MAPK14: variants seen among roughly 807,000 people sequenced by gnomAD.
MAPK14 encodes the protein CSAID-binding protein.
A neutral mutation model predicts 49.6 loss-of-function variants in MAPK14; 16 were observed. The observed-to-expected ratio is 0.32, with a 90% CI of 0.22 to 0.49. The LOEUF is 0.49. Among genes scored for constraint, MAPK14 ranks in the 20% least tolerant of loss-of-function variants. MAPK14 has a pLI of 0.99. For missense variants in MAPK14, 200 were observed against 441.2 expected, an observed-to-expected ratio of 0.45 and a Z score of 4.90; for synonymous variants, 142 against 158.0, an observed-to-expected ratio of 0.90 and a Z score of 0.76.
intron 2 of MAPK14, among the ~76,000 whole-genome samples, chr6:36,055,957 C>T (rs949915515): frequency 6.6e-6 from 1 of 151,998 alleles, no homozygotes; most frequent in Non-Finnish European, 1.5e-5. Context: ...TTTGATTTAG[C>T]ATGGGTAGTT....
chr6:36,094,146 T>G (rs1203100742), intron 8 of MAPK14, among the ~76,000 whole-genome samples: 1 of 152,254 alleles, frequency 6.6e-6, no homozygotes, highest in Non-Finnish European at 1.5e-5. Context: ...AAGCCAGTAT[T>G]AAAATCTTAA....
At chr6:36,040,181 T>C (rs979934125) in intron 1 of MAPK14, among the ~76,000 whole-genome samples, 1 of 152,106 alleles carries the variant, frequency 6.6e-6, no homozygotes, top group Non-Finnish European at 1.5e-5. Flanking sequence ...GGTGGGATAA[T>C]GTTTTGTTGT....
In MAPK14 at chr6:36,102,660, C is replaced by A. The variant is rs199841727; in HGVS notation, c.841+11C>A. 6.2e-7 allele frequency: 1 copy of A among 1,612,592 alleles called. No homozygotes were observed. The highest frequency in any genetic ancestry group is 8.5e-7 in the Non-Finnish European group (1 of 1,178,756). On this transcript the variant is annotated intron_variant, in intron 10 of 11. Transcript: ENST00000229794. Reference sequence around the variant, plus strand: ...GTGCCAATCCCCTGGGTAAGTTGACCATATATCCTCACCTCATGGATATTG... The same window carrying A: ...GTGCCAATCCCCTGGGTAAGTTGACAATATATCCTCACCTCATGGATATTG...
At chr6:36,092,460 A>G (rs1186777785) in intron 8 of MAPK14, 1 of 649,410 alleles carries the variant, frequency 1.5e-6, no homozygotes, top group African/African-American at 1.8e-5. Context: ...CACAGGGATG[A>G]CCGCTACATC....
intron 3 of MAPK14, among the ~76,000 whole-genome samples, chr6:36,067,368 A>G (rs985027220): frequency 6.6e-6 from 1 of 152,116 alleles, no homozygotes; most frequent in South Asian, 2.1e-4. Context: ...ATATTCATAT[A>G]TGCCTTCCTT....
Position 36,109,674 on chromosome 6 carries a change from T to G in MAPK14, c.*1227T>G, listed in dbSNP as rs1765907244. On this transcript the variant is annotated 3_prime_UTR_variant, in exon 12 of 12. Coordinates refer to ENST00000229794, the MANE Select transcript of MAPK14 (RefSeq NM_139012.3). ...TCAACCAACTATTTTTGAGGAATTA[T>G]CATGGGAAAAGACCAGGGCTTTTCC... 6.6e-6 allele frequency: 1 copy of G among 152,624 alleles called. No homozygotes were observed. Among genetic ancestry groups the G allele is most frequent in the South Asian group, 2.1e-4 (1 of 4,826 alleles). 9.5% of individuals were successfully genotyped at this position (152,624 alleles called of 1,614,324 possible).
At chr6:36,104,451 G>T (rs927671124) in intron 10 of MAPK14, among the ~76,000 whole-genome samples, 13 of 151,814 alleles carry the variant, frequency 8.6e-5, no homozygotes, top group African/African-American at 3.1e-4. Flanking sequence ...GCAGTGGTGC[G>T]ATCTCGGCTC....
At chr6:36,029,350 G>A (rs571681298) in intron 1 of MAPK14, among the ~76,000 whole-genome samples, 1 of 152,270 alleles carries the variant, frequency 6.6e-6, no homozygotes, top group Admixed American at 6.5e-5. Flanking sequence ...CACCGTGAGT[G>A]TGTTTTAAAT....
intron 1 of MAPK14, among the ~76,000 whole-genome samples, chr6:36,044,625 A>G (rs1763100689): frequency 6.6e-6 from 1 of 150,914 alleles, no homozygotes; most frequent in Admixed American, 6.6e-5. Context: ...CTGTAACCCA[A>G]ACACTTTGAG....
chr6:36,084,068 G>T (rs1764876692), intron 8 of MAPK14, among the ~76,000 whole-genome samples: 1 of 152,236 alleles, frequency 6.6e-6, no homozygotes, highest in Admixed American at 6.5e-5. Context: ...CAGGCAAAGA[G>T]TCTGGAGTGG....
chr6:36,067,036 AT>A (rs535762480), intron 3 of MAPK14, among the ~76,000 whole-genome samples: 25 of 150,218 alleles, frequency 1.7e-4, no homozygotes, highest in African/African-American at 4.9e-4. Context: ...TATGTTTACA[AT>A]TTTTTTTTTA....
At chr6:36,051,430 A>G (rs1763392262) in intron 1 of MAPK14, among the ~76,000 whole-genome samples, 1 of 152,148 alleles carries the variant, frequency 6.6e-6, no homozygotes, top group African/African-American at 2.4e-5. Flanking sequence ...AATAATTAAA[A>G]TACACATCGC....
At chr6:36,039,461 A>G (rs948492172) in intron 1 of MAPK14, among the ~76,000 whole-genome samples, 1 of 148,742 alleles carries the variant, frequency 6.7e-6, no homozygotes, top group Non-Finnish European at 1.5e-5. Context: ...TGCCTGTGAT[A>G]TGAAGGAAGG....
rs202121265 is a variant in MAPK14 at position 36,096,079 on chromosome 6, T to G, written c.762+13T>G. The G allele has an allele frequency of 1.9e-6, 3 of 1,596,828 alleles. No individual in the cohort carries two copies. The highest frequency in any genetic ancestry group is 2.6e-6 in the Non-Finnish European group (3 of 1,164,738). On this transcript the variant is annotated intron_variant, in intron 9 of 11. Coordinates refer to ENST00000229794, the MANE Select transcript of MAPK14 (RefSeq NM_139012.3). ...CTCCTCAGAGTCTGTGAGTTGATGC[T>G]TTGTAATTATCTGCCCTGTTGGGAG... is the stretch of plus-strand genomic sequence containing the variant.
At chr6:36,057,513 C>T (rs1002217893) in intron 2 of MAPK14, among the ~76,000 whole-genome samples, 3 of 152,062 alleles carry the variant, frequency 2.0e-5, no homozygotes, top group African/African-American at 7.2e-5. Flanking sequence ...TGTGTCCCAC[C>T]ACCTCCTTTT....
intron 7 of MAPK14, 26 bp from the exon 8 acceptor site, chr6:36,076,511 C>G: frequency 6.4e-7 from 1 of 1,568,454 alleles, no homozygotes; most frequent in Non-Finnish European, 8.8e-7. Flanking sequence ...ATTGCATATA[C>G]TTTTACTTCT....
chr6:36,071,761 A>G (rs1237405019), intron 3 of MAPK14, among the ~76,000 whole-genome samples: 2 of 152,236 alleles, frequency 1.3e-5, no homozygotes, highest in Non-Finnish European at 2.9e-5. Context: ...AATTATAGCC[A>G]TGCAGTAAGT....
At chr6:36,036,528 A>C in intron 1 of MAPK14, among the ~76,000 whole-genome samples, 1 of 147,314 alleles carries the variant, frequency 6.8e-6, no homozygotes, top group South Asian at 2.1e-4. Flanking sequence ...GAAAGGAAGA[A>C]TAAATCAATG....
At chr6:36,074,684 T>G (rs1030409737) in intron 6 of MAPK14, among the ~76,000 whole-genome samples, 2 of 151,972 alleles carry the variant, frequency 1.3e-5, no homozygotes, top group Admixed American at 6.6e-5. Context: ...GGTGTGATCT[T>G]GGCTCACTGC....
Sources: allele counts gnomAD v4.1 joint callset (sites outside exome capture counted in the v4.1 genomes callset), GRCh38; gene constraint gnomAD v4.1.1; transcripts MANE v1.5; gene names NCBI Gene and HGNC (gene_info 2026-07-23, HGNC 2026-07-21).